ADAR: variants seen among roughly 807,000 people sequenced by gnomAD.
ADAR encodes the protein adenosine deaminase RNA specific.
A neutral mutation model predicts 113.2 loss-of-function variants in ADAR; 41 were observed. The observed-to-expected ratio is 0.36, with a 90% CI of 0.28 to 0.47. ADAR has a LOEUF of 0.47. Ranked by LOEUF, ADAR falls within the 20% of genes least tolerant of loss-of-function variation. The probability of loss-of-function intolerance (pLI) is 1.00; values close to 1 mark genes in which losing one functional copy is unlikely to be tolerated. For synonymous variants in ADAR, 605 were observed against 572.6 expected (o/e 1.06, Z -0.81); for missense variants, 1,242 against 1,540.9 (o/e 0.81, Z 3.25).
rs1419333997 is a variant in ADAR at position 154,584,502 on chromosome 1, T to G, written c.*304A>C. On this transcript the variant is annotated 3_prime_UTR_variant, in exon 15 of 15. Coordinates refer to ENST00000368474, the MANE Select transcript of ADAR (RefSeq NM_001111.5). Reference sequence around the variant, plus strand: ...TGGAAACAAATCAAAACAAAACTTTTAAGAGGAAATGGACCGCAGGTGCTC... The same window carrying G: ...TGGAAACAAATCAAAACAAAACTTTGAAGAGGAAATGGACCGCAGGTGCTC... 2 of 362,482 alleles carry G rather than the reference T, an allele frequency of 5.5e-6. No homozygotes were observed. The highest frequency in any genetic ancestry group is 4.1e-5 in the African/African-American group (2 of 48,248). The allele number at this position is 362,482 out of a possible 1,614,324, so 22.5% of individuals were successfully genotyped here. A position where few individuals can be genotyped will look rare whatever the true frequency, so the allele number is the denominator to read the frequency against.
In ADAR at chr1:154,584,716, A is replaced by G; in HGVS notation, c.*90T>C. The G allele has an allele frequency of 8.5e-7, 1 of 1,172,080 alleles. No homozygotes were observed. Among genetic ancestry groups the G allele is most frequent in the Non-Finnish European group, 1.2e-6 (1 of 806,732 alleles). 72.6% of individuals were successfully genotyped at this position (1,172,080 alleles called of 1,614,324 possible). On this transcript the variant is annotated 3_prime_UTR_variant, in exon 15 of 15. Transcript: ENST00000368474. ...AAAAGAAAAAAAAAGGAGAAAAAAA[A>G]ATCCCCTGACCATGTGATGAGGAAT...
intron 12 of ADAR, 111 bp downstream of exon 12, chr1:154,586,070 A>C (rs1014444393): frequency 1.9e-5 from 27 of 1,408,976 alleles, no homozygotes; most frequent in Non-Finnish European, 2.7e-5. Flanking sequence ...TGAGGAGTGA[A>C]TCATGCTCAC....
At chr1:154,597,527 A>G (rs1697580503) in intron 4 of ADAR, among the ~76,000 whole-genome samples, 1 of 152,190 alleles carries the variant, frequency 6.6e-6, no homozygotes, top group Admixed American at 6.5e-5. Flanking sequence ...CTATAGACCC[A>G]CAGGCAGAGA....
chr1:154,590,152 C>G (rs745956839), intron 7 of ADAR, 32 bp downstream of exon 7: 439 of 1,333,374 alleles, frequency 3.3e-4, no homozygotes, highest in Admixed American at 4.3e-4. Flanking sequence ...CCCCCCCGCC[C>G]CAAAAAAGGC....
At chr1:154,592,498 A>T (rs1697213903) in intron 6 of ADAR, among the ~76,000 whole-genome samples, 1 of 152,238 alleles carries the variant, frequency 6.6e-6, no homozygotes, top group South Asian at 2.1e-4. Context: ...AGTCTAGATG[A>T]GACAGTGGCT....
intron 9 of ADAR, among the ~76,000 whole-genome samples, chr1:154,588,897 C>G (rs769870080): frequency 7.2e-5 from 11 of 152,202 alleles, no homozygotes; most frequent in Non-Finnish European, 1.5e-4. Context: ...GCTATGGCGG[C>G]TACAGGGATT....
intron 7 of ADAR, 40 bp downstream of exon 7, chr1:154,590,144 C>CCT: frequency 9.1e-7 from 1 of 1,100,464 alleles, no homozygotes; most frequent in Non-Finnish European, 1.4e-6. Context: ...TAGGAGGACC[C>CCT]CCCCGCCCCA....
chr1:154,598,386 G>A lies in ADAR; in HGVS notation c.1785+16C>T, dbSNP rs777299748. 2.5e-6 allele frequency: 4 copies of A among 1,612,672 alleles called. No homozygotes were observed. In the Admixed American group the frequency reaches 6.7e-5, roughly 27 times the overall value. On this transcript the variant is annotated intron_variant, in intron 3 of 14. Coordinates refer to ENST00000368474, the MANE Select transcript of ADAR (RefSeq NM_001111.5). ...GACAGGGAACTGATCCTCCCAGATG[G>A]CAGGAGGACACCTACCTTCTCTGAT... is the stretch of plus-strand genomic sequence containing the variant.
At chr1:154,597,740 C>G (rs1342554547) in intron 4 of ADAR, 88 bp downstream of exon 4, 1 of 1,562,550 alleles carries the variant, frequency 6.4e-7, no homozygotes, top group Non-Finnish European at 8.8e-7. Context: ...ATTGGTCAAT[C>G]TGCCATCCCT....
intron 6 of ADAR, among the ~76,000 whole-genome samples, chr1:154,594,971 G>A (rs1396420371): frequency 6.6e-6 from 1 of 152,246 alleles, no homozygotes; most frequent in Non-Finnish European, 1.5e-5. Context: ...CTGCATAACA[G>A]TGTTTTGTTC....
chr1:154,585,084 A>G, intron 14 of ADAR, 41 bp from the exon 15 acceptor site: 2 of 1,611,758 alleles, frequency 1.2e-6, no homozygotes, highest in Non-Finnish European at 1.7e-6. Flanking sequence ...TGGGACCTGT[A>G]AGATAAGGAG....
At position 154,583,678 on chromosome 1, in the gene ADAR, G is replaced by T. The variant is rs1696553618; in HGVS notation, c.*1128C>A. 6.6e-6 allele frequency: 1 copy of T among 152,126 alleles called. No homozygotes were observed. Among genetic ancestry groups the T allele is most frequent in the Admixed American group, 6.5e-5 (1 of 15,284 alleles). 9.4% of individuals were successfully genotyped at this position (152,126 alleles called of 1,614,324 possible). On this transcript the variant is annotated 3_prime_UTR_variant, in exon 15 of 15. Transcript: ENST00000368474. The stretch of plus-strand genomic sequence containing the variant: ...GAATTTTAAATCTGCTCAATTACAG[G>T]TTATCTGTAGCAGTTAAGAATCAAC...
At chr1:154,590,552 T>C (rs1697076932) in intron 6 of ADAR, 143 bp from the exon 7 acceptor site, 1 of 779,382 alleles carries the variant, frequency 1.3e-6, no homozygotes, top group Middle Eastern at 2.8e-4. Flanking sequence ...CAGCATTTCC[T>C]AGATTTTGGT....
At chr1:154,589,224 G>A in intron 9 of ADAR, 145 bp downstream of exon 9, 1 of 717,564 alleles carries the variant, frequency 1.4e-6, no homozygotes, top group Non-Finnish European at 2.5e-6. Context: ...GGTTCAAATG[G>A]ACGGGTGAAA....
Position 154,588,616 on chromosome 1 carries a change from A to T in ADAR, c.2820T>A (p.Phe940Leu). The T allele has an allele frequency of 6.2e-7, 1 of 1,614,166 alleles. No individual in the cohort carries two copies. Among genetic ancestry groups the T allele is most frequent in the Non-Finnish European group, 8.5e-7 (1 of 1,180,000 alleles). The change falls in exon 10 of 15, where the codon TTT becomes TTA. Residue 940 changes from phenylalanine to leucine, a missense_variant. By Grantham distance (22) the Phe-to-Leu change is conservative. Transcript: ENST00000368474. The part of the protein sequence containing the change: ...YNSQTAKDSI[F>L]EPAKGGEKLQ... ...GCTTTTCTCCTCCCTTAGCAGGTTCAAATATACTATCCTTCGCAGTCTGGG... is the reference window on the plus strand; with the variant it reads ...GCTTTTCTCCTCCCTTAGCAGGTTCTAATATACTATCCTTCGCAGTCTGGG...
intron 1 of ADAR, among the ~76,000 whole-genome samples, chr1:154,623,693 T>C (rs1294204337): frequency 2.0e-5 from 3 of 152,116 alleles, no homozygotes; most frequent in Non-Finnish European, 4.4e-5. Flanking sequence ...GGGAGCTTTT[T>C]CAGTATGCAT....
In ADAR at chr1:154,601,710, G is replaced by A; in HGVS notation, c.932C>T (p.Ser311Phe). 6.2e-7 allele frequency: 1 copy of A among 1,614,208 alleles called. No homozygotes were observed. Among genetic ancestry groups the A allele is most frequent in the Non-Finnish European group, 8.5e-7 (1 of 1,180,044 alleles). ...AGCCAAATTCAGGGCAGAGGAGTCA[G>A]ACACATTGAAGAGATAGTCGCAGAT... Reference protein sequence around the residue: ...EKICDYLFNVSDSSALNLAKN... With the variant: ...EKICDYLFNVFDSSALNLAKN... Residue 311 changes from serine to phenylalanine, a missense_variant, in exon 2 of 15, where the codon TCT becomes TTT. By Grantham distance (155) the Ser-to-Phe change is radical. Coordinates refer to ENST00000368474, the MANE Select transcript of ADAR (RefSeq NM_001111.5). This position sits in a 1 kb window ranked among gnomAD's most constrained non-coding sequence, Gnocchi z 4.7.
chr1:154,591,886 A>G (rs1697173864), intron 6 of ADAR, among the ~76,000 whole-genome samples: 1 of 152,190 alleles, frequency 6.6e-6, no homozygotes, highest in South Asian at 2.1e-4. Context: ...TCAGAATGAG[A>G]GGGACAGTGG....
At chr1:154,607,395 G>A (rs748931296) in intron 1 of ADAR, among the ~76,000 whole-genome samples, 2 of 152,258 alleles carry the variant, frequency 1.3e-5, no homozygotes, top group Middle Eastern at 3.4e-3. Flanking sequence ...GCTATAAAGT[G>A]GTTAACAAGC....
Sources: allele counts gnomAD v4.1 joint callset (sites outside exome capture counted in the v4.1 genomes callset), GRCh38; gene constraint gnomAD v4.1.1; non-coding constraint Gnocchi (gnomAD v3.1); transcripts MANE v1.5; gene names NCBI Gene and HGNC (gene_info 2026-07-23, HGNC 2026-07-21).